The following COL24A1 variants were observed in gnomAD, a reference collection of about 807,000 sequenced individuals.
COL24A1 encodes collagen type XXIV alpha 1 chain, also known as collagen alpha-1(XXIV) chain.
COL24A1 carries 224 observed loss-of-function variants against 253.9 expected under a neutral mutation model. The observed-to-expected ratio is 0.88, with a 90% CI of 0.79 to 0.99. The LOEUF is 0.99. COL24A1 is among the 50% of genes least tolerant of loss of function. The pLI is 0.00. For synonymous variants in COL24A1, 685 were observed against 673.7 expected (o/e 1.02, Z -0.26); for missense variants, 2,131 against 2,068.5 (o/e 1.03, Z -0.59).
intron 24 of COL24A1, among the ~76,000 whole-genome samples, chr1:85,927,240 G>T (rs28415684): frequency 6.6e-6 from 1 of 152,130 alleles, no homozygotes; most frequent in Non-Finnish European, 1.5e-5. Flanking sequence ...TGCGCGAGCC[G>T]AAGCAGGGCA....
intron 57 of COL24A1, among the ~76,000 whole-genome samples, chr1:85,740,752 A>G (rs12756365): frequency 0.95 from 143,371 of 150,912 alleles, 68,155 homozygotes; most frequent in Non-Finnish European, 0.97. Flanking sequence ...GATTACAGGC[A>G]TGAGCCATTG....
chr1:85,909,318 G>A (rs1304081510), intron 26 of COL24A1, among the ~76,000 whole-genome samples: 3 of 151,758 alleles, frequency 2.0e-5, no homozygotes, highest in Non-Finnish European at 3.0e-5. Flanking sequence ...ACAGTATTAT[G>A]TGCCACCAGA....
At chr1:86,065,773 A>AAT (rs1557467185) in intron 7 of COL24A1, among the ~76,000 whole-genome samples, 1 of 150,918 alleles carries the variant, frequency 6.6e-6, no homozygotes, top group Admixed American at 6.6e-5. Flanking sequence ...AAAAAAAAAA[A>AAT]AGAGAGAGAC....
At chr1:85,823,646 T>C (rs1673893065) in intron 44 of COL24A1, 39 bp downstream of exon 44, 1 of 1,613,088 alleles carries the variant, frequency 6.2e-7, no homozygotes, top group Non-Finnish European at 8.5e-7. Flanking sequence ...ATAAGTTATA[T>C]TAATGTTAAT....
chr1:85,989,464 C>G (rs959417478), intron 19 of COL24A1, among the ~76,000 whole-genome samples: 1 of 152,106 alleles, frequency 6.6e-6, no homozygotes, highest in Non-Finnish European at 1.5e-5. Flanking sequence ...CTACAAACCT[C>G]CCTCCACAAC....
intron 20 of COL24A1, among the ~76,000 whole-genome samples, chr1:85,985,800 G>A (rs1693674526): frequency 6.6e-6 from 1 of 151,836 alleles, no homozygotes; most frequent in African/African-American, 2.4e-5. Flanking sequence ...AGAGGTGAAT[G>A]AATGCTTCTG....
At chr1:85,903,162 C>A (rs1684489616) in intron 28 of COL24A1, among the ~76,000 whole-genome samples, 3 of 152,066 alleles carry the variant, frequency 2.0e-5, no homozygotes, top group African/African-American at 7.2e-5. Flanking sequence ...AAGTTCTGTG[C>A]CCACAGTGAT....
At chr1:85,824,906 A>T (rs1319753433) in intron 43 of COL24A1, among the ~76,000 whole-genome samples, 1 of 11,056 alleles carries the variant, frequency 9.0e-5, no homozygotes, top group African/African-American at 4.9e-4. Flanking sequence ...TTATTCTTTT[A>T]TTATTATTAT....
chr1:86,107,670 G>A (rs1705130085), intron 5 of COL24A1, among the ~76,000 whole-genome samples: 1 of 151,914 alleles, frequency 6.6e-6, no homozygotes, highest in Admixed American at 6.6e-5. Flanking sequence ...GAGTAGCTGG[G>A]ACTACAGGCG....
intron 24 of COL24A1, among the ~76,000 whole-genome samples, chr1:85,939,576 T>A (rs569938758): frequency 2.6e-5 from 4 of 152,146 alleles, no homozygotes; most frequent in Non-Finnish European, 5.9e-5. Context: ...TCCTTTTCCT[T>A]CATACTAAGT....
At chr1:85,961,142 T>C (rs1691013769) in intron 24 of COL24A1, 107 bp downstream of exon 24, 3 of 831,102 alleles carry the variant, frequency 3.6e-6, no homozygotes, top group Non-Finnish European at 6.1e-6. Context: ...TGGATAAGAA[T>C]TATTCTGATT....
intron 19 of COL24A1, among the ~76,000 whole-genome samples, chr1:85,989,521 C>T (rs1694036302): frequency 1.3e-5 from 2 of 152,074 alleles, no homozygotes; most frequent in South Asian, 4.1e-4. Flanking sequence ...TATTCATGTT[C>T]CTATCCCCTG....
At chr1:86,076,223 A>T (rs548669190) in intron 7 of COL24A1, among the ~76,000 whole-genome samples, 3 of 152,294 alleles carry the variant, frequency 2.0e-5, no homozygotes, top group Non-Finnish European at 2.9e-5. Flanking sequence ...ACTGTGCAAA[A>T]ATCACAAACT....
At chr1:85,999,781 A>G (rs1695222803) in intron 19 of COL24A1, among the ~76,000 whole-genome samples, 1 of 152,208 alleles carries the variant, frequency 6.6e-6, no homozygotes, top group African/African-American at 2.4e-5. Context: ...ATTTGTGACC[A>G]GTATGAGCAA....
intron 24 of COL24A1, among the ~76,000 whole-genome samples, chr1:85,944,878 T>C (rs182778659): frequency 1.3e-5 from 2 of 151,708 alleles, no homozygotes; most frequent in African/African-American, 4.8e-5. Context: ...GATAGTTTAC[T>C]GAGAATGATG....
At chr1:85,989,517 T>G (rs537083219) in intron 19 of COL24A1, among the ~76,000 whole-genome samples, 1 of 151,876 alleles carries the variant, frequency 6.6e-6, no homozygotes, top group African/African-American at 2.4e-5. Context: ...TGCTTATTCA[T>G]GTTCCTATCC....
chr1:85,740,891 C>G (rs1255969191), intron 57 of COL24A1, among the ~76,000 whole-genome samples: 1 of 145,680 alleles, frequency 6.9e-6, no homozygotes. Context: ...GGGCAGATCA[C>G]GAGGTCAGCA....
intron 39 of COL24A1, among the ~76,000 whole-genome samples, chr1:85,845,794 G>T (rs1677088659): frequency 6.6e-6 from 1 of 151,660 alleles, no homozygotes; most frequent in Non-Finnish European, 1.5e-5. Context: ...TAACAAGAAA[G>T]ATTAAAGAAC....
intron 43 of COL24A1, among the ~76,000 whole-genome samples, chr1:85,831,531 C>A (rs1675284351): frequency 6.6e-6 from 1 of 151,940 alleles, no homozygotes; most frequent in South Asian, 2.1e-4. Flanking sequence ...TTGACTATGA[C>A]CATTTTTCTG....
Sources: gnomAD v4.1 joint callset for allele counts (sites outside exome capture counted in the v4.1 genomes callset) on GRCh38, gnomAD v4.1.1 for gene constraint, MANE v1.5 for transcripts, NCBI Gene and HGNC (gene_info 2026-07-23, HGNC 2026-07-21) for gene names.